The following NLRC4 variants were observed in gnomAD, a reference collection of about 807,000 sequenced individuals.
NLRC4 encodes NLR family CARD domain containing 4, also known as NLR family CARD domain-containing protein 4.
A neutral mutation model predicts 79.9 loss-of-function variants in NLRC4; 63 were observed. The ratio of observed to expected loss-of-function variants is 0.79; its 90% CI spans 0.64 to 0.97. The LOEUF is 0.97. Ranked by LOEUF, NLRC4 falls within the 50% of genes least tolerant of loss-of-function variation. The pLI is 0.00. For missense variants in NLRC4, 1,074 were observed against 1,215.2 expected (o/e 0.88, Z 1.73); for synonymous variants, 461 against 456.5 (o/e 1.01, Z -0.12).
intron 8 of NLRC4, among the ~76,000 whole-genome samples, chr2:32,227,779 T>G (rs1454870643): frequency 6.6e-6 from 1 of 152,200 alleles, no homozygotes; most frequent in East Asian, 1.9e-4. Context: ...GGGCATGCCT[T>G]TTGTTCATTT....
Position 32,249,898 on chromosome 2 carries a change from T to G in NLRC4, c.1966A>C (p.Lys656Gln). The G allele has an allele frequency of 6.2e-7, 1 of 1,614,198 alleles. No individual in the cohort carries two copies. The highest frequency in any genetic ancestry group is 8.5e-7 in the Non-Finnish European group (1 of 1,180,040). ...SRAVSLFFNW[K>Q]QEFRTLEVTL... ...ACCTCCAGAGTCCTGAATTCCTGCT[T>G]CCAGTTGAAGAACAAAGATACAGCC... The change falls in exon 4 of 9, where the codon AAG (lysine) becomes CAG (glutamine). Residue 656 changes from lysine to glutamine, a missense_variant. Transcript: ENST00000402280.
At chr2:32,256,300 C>G (rs1687206945) in intron 2 of NLRC4, among the ~76,000 whole-genome samples, 1 of 152,140 alleles carries the variant, frequency 6.6e-6, no homozygotes, top group East Asian at 1.9e-4. Flanking sequence ...TGCTTGAAAT[C>G]TGGCTACAGT....
At position 32,250,347 on chromosome 2, in the gene NLRC4, A is replaced by G. The variant is rs1421140111; in HGVS notation, c.1517T>C (p.Met506Thr). 6.2e-7 allele frequency: 1 copy of G among 1,614,084 alleles called. No individual in the cohort carries two copies. Among genetic ancestry groups the G allele is most frequent in the African/African-American group, 1.3e-5 (1 of 74,922 alleles). ...TTGATACACTGCTGCGAGGTGCTTC[A>G]TAACAGCCCTGGTGGCTTCCACAGA... Reference protein sequence around the residue: ...GSSVEATRAVMKHLAAVYQHG... With the variant: ...GSSVEATRAVTKHLAAVYQHG... Residue 506 changes from methionine to threonine, a missense_variant, in exon 4 of 9, where the codon ATG (methionine) becomes ACG (threonine). Transcript: ENST00000402280. This position sits in a 1 kb window ranked among gnomAD's most constrained non-coding sequence, Gnocchi z 4.9.
chr2:32,261,316 C>CCTTTTTTTTTTTTTTTTTTTT, intron 1 of NLRC4, among the ~76,000 whole-genome samples: 6 of 96,884 alleles, frequency 6.2e-5, no homozygotes, highest in African/African-American at 2.1e-4. Flanking sequence ...AGCCTCCCCC[C>CCTTTTTTTTTTTTTTTTTTTT]TTTTGTTTTT....
intron 4 of NLRC4, 35 bp from the exon 5 acceptor site, chr2:32,241,160 G>T: frequency 8.0e-7 from 1 of 1,248,578 alleles, no homozygotes; most frequent in Non-Finnish European, 1.2e-6. Flanking sequence ...TCTTTCAGCA[G>T]ATATTTGCTA....
At chr2:32,253,517 G>C (rs1687133581) in intron 2 of NLRC4, among the ~76,000 whole-genome samples, 1 of 152,146 alleles carries the variant, frequency 6.6e-6, no homozygotes, top group Admixed American at 6.6e-5. Context: ...GAAGTAAGGT[G>C]AGTTATCTTG....
intron 4 of NLRC4, among the ~76,000 whole-genome samples, chr2:32,246,179 G>A (rs913729270): frequency 6.6e-6 from 1 of 152,098 alleles, no homozygotes; most frequent in Non-Finnish European, 1.5e-5. Flanking sequence ...GTGAGACCCT[G>A]TCTCAAAAAA....
At chr2:32,244,893 G>GAGGAGGAGGAGA (rs1170214944) in intron 4 of NLRC4, among the ~76,000 whole-genome samples, 22 of 151,874 alleles carry the variant, frequency 1.4e-4, no homozygotes, top group Admixed American at 9.9e-4. Context: ...GAAGAAGGAG[G>GAGGAGGAGGAGA]AGGAGGAGGA....
intron 1 of NLRC4, among the ~76,000 whole-genome samples, chr2:32,262,057 G>A (rs1687364957): frequency 6.6e-6 from 1 of 152,080 alleles, no homozygotes; most frequent in African/African-American, 2.4e-5. Flanking sequence ...CTCCAGCCTG[G>A]TGACAGAGCG....
In NLRC4 at chr2:32,238,161, C is replaced by T; in HGVS notation, c.2492G>A (p.Cys831Tyr). The T allele has an allele frequency of 1.2e-6, 2 of 1,613,532 alleles. No homozygotes were observed. Among genetic ancestry groups the T allele is most frequent in the Admixed American group, 1.7e-5 (1 of 59,784 alleles). The change falls in exon 6 of 9, where the codon TGC becomes TAC. Residue 831 changes from cysteine (C) to tyrosine (Y), a missense_variant. By Grantham distance (194) the Cys-to-Tyr change is radical (BLOSUM62 -2). Coordinates refer to ENST00000402280, the MANE Select transcript of NLRC4 (RefSeq NM_001199138.2). ...DLEEIQLVSC[C>Y]LSANAVKILA... Reference sequence around the variant, plus strand: ...GATTTTCACTGCATTTGCAGACAAGCAGCAGGAGACTAATTGAATTTCTTC... The same window carrying T: ...GATTTTCACTGCATTTGCAGACAAGTAGCAGGAGACTAATTGAATTTCTTC...
At chr2:32,253,529 C>T (rs1418855254) in intron 2 of NLRC4, among the ~76,000 whole-genome samples, 1 of 152,128 alleles carries the variant, frequency 6.6e-6, no homozygotes, top group Non-Finnish European at 1.5e-5. Context: ...GTTATCTTGT[C>T]CCTCTGATAT....
chr2:32,250,002 A>G lies in NLRC4; in HGVS notation c.1862T>C (p.Met621Thr), dbSNP rs775232592. The G allele has an allele frequency of 1.2e-6, 2 of 1,614,228 alleles. No individual in the cohort carries two copies. The highest frequency in any genetic ancestry group is 2.2e-5 in the East Asian group (1 of 44,892). ...TTCTGCAGCCTTTTCCCATGAAGCC[A>G]TAGCTCCCCCATAAAAGTCCAGTTT... Reference protein sequence around the residue: ...FIKLDFYGGAMASWEKAAEDT... With the variant: ...FIKLDFYGGATASWEKAAEDT... Residue 621 changes from methionine to threonine, a missense_variant, in exon 4 of 9, where the codon ATG (methionine) becomes ACG (threonine). By Grantham distance (81) the Met-to-Thr change is moderately conservative. Coordinates refer to ENST00000402280, the MANE Select transcript of NLRC4 (RefSeq NM_001199138.2). This position sits in a 1 kb window ranked among gnomAD's most constrained non-coding sequence, Gnocchi z 4.9.
At chr2:32,265,407 C>T (rs1054687637), upstream of NLRC4, among the ~76,000 whole-genome samples, 4 of 152,154 alleles carry the variant, frequency 2.6e-5, no homozygotes, top group African/African-American at 9.7e-5. Context: ...TCTCGAACTC[C>T]TGACCTCAGG....
At chr2:32,251,697 C>T in intron 3 of NLRC4, 96 bp from the exon 4 acceptor site, 2 of 805,088 alleles carry the variant, frequency 2.5e-6, no homozygotes, top group Non-Finnish European at 4.1e-6. Flanking sequence ...GGCTGAGAAT[C>T]TGCCATTGGT....
At chr2:32,253,830 G>T (rs1196459323) in intron 2 of NLRC4, among the ~76,000 whole-genome samples, 1 of 151,774 alleles carries the variant, frequency 6.6e-6, no homozygotes, top group East Asian at 1.9e-4. Context: ...CAGGTGTGGT[G>T]GTGCATGCCT....
intron 8 of NLRC4, among the ~76,000 whole-genome samples, chr2:32,231,580 G>GGGGGGGGGT (rs1686538690): frequency 9.4e-6 from 1 of 106,580 alleles, no homozygotes; most frequent in Non-Finnish European, 2.0e-5. Context: ...TTTGTGGGGG[G>GGGGGGGGGT]GGGGTGGGGG....
intron 4 of NLRC4, among the ~76,000 whole-genome samples, chr2:32,247,332 T>A (rs1404309287): frequency 6.1e-5 from 9 of 147,968 alleles, no homozygotes; most frequent in Admixed American, 6.1e-4. Context: ...TTTTTTTTTT[T>A]AGACAGAGTT....
rs1349494656 is a variant in NLRC4, at chr2:32,235,391, G to A, written c.2782+10C>T. On this transcript the variant is annotated intron_variant, in intron 8 of 8. Transcript: ENST00000402280. ...ATCCAGTTATCTTGGCTCTGTATGT[G>A]TGTACCTACCTAAAATTCTAATCTC... The A allele has an allele frequency of 6.2e-7, 1 of 1,609,550 alleles. No individual in the cohort carries two copies. The highest frequency in any genetic ancestry group is 2.2e-5 in the East Asian group (1 of 44,850).
chr2:32,264,163 C>A (rs567210807), intron 1 of NLRC4, among the ~76,000 whole-genome samples: 1 of 151,922 alleles, frequency 6.6e-6, no homozygotes, highest in Non-Finnish European at 1.5e-5. Context: ...TGGCCGGGCA[C>A]GTTGGCTCAC....
Sources: allele counts gnomAD v4.1 joint callset (sites outside exome capture counted in the v4.1 genomes callset), GRCh38; gene constraint gnomAD v4.1.1; non-coding constraint Gnocchi (gnomAD v3.1); transcripts MANE v1.5; gene names NCBI Gene and HGNC (gene_info 2026-07-23, HGNC 2026-07-21).